Variants in NUP107 observed in about 807,000 individuals in gnomAD.
NUP107 encodes the protein nucleoporin 107.
In NUP107, 101 loss-of-function variants were observed where a neutral mutation model predicts 141.0. The ratio of observed to expected loss-of-function variants is 0.72; its 90% CI spans 0.61 to 0.84. NUP107 has a LOEUF of 0.84. Ranked by LOEUF, NUP107 falls within the 40% of genes least tolerant of loss-of-function variation. The pLI, the probability that NUP107 is intolerant of heterozygous loss-of-function variation, is 0.00. For synonymous variants in NUP107, 319 were observed against 363.9 expected (o/e 0.88, Z 1.41); for missense variants, 941 against 1,102.7 (o/e 0.85, Z 2.08).
intron 9 of NUP107, 49 bp from the exon 10 acceptor site, chr12:68,709,956 A>G: frequency 9.2e-7 from 1 of 1,084,514 alleles, no homozygotes; most frequent in Non-Finnish European, 1.4e-6. Context: ...AATAAAACAC[A>G]AATAGATTTG....
At chr12:68,687,156 C>T in intron 1 of NUP107, 83 bp downstream of exon 1, 3 of 1,584,398 alleles carry the variant, frequency 1.9e-6, no homozygotes, top group East Asian at 2.2e-5. Context: ...ACTAGACTCC[C>T]AGAAGAAGCC....
intron 1 of NUP107, 95 bp from the exon 2 acceptor site, chr12:68,688,867 T>G (rs1245242939): frequency 2.4e-6 from 2 of 843,690 alleles, no homozygotes; most frequent in Admixed American, 2.6e-5. Flanking sequence ...ATACCTTAAC[T>G]TACTCAGGGT....
At position 68,719,427 on chromosome 12, in the gene NUP107, T is replaced by C. The variant is rs1367087836; in HGVS notation, c.1170T>C (p.Asn390=). 5.0e-6 allele frequency: 8 copies of C among 1,613,312 alleles called. No homozygotes were observed. Among genetic ancestry groups the C allele is most frequent in the Non-Finnish European group, 6.8e-6 (8 of 1,179,306 alleles). Reference sequence around the variant, plus strand: ...AACTGTACCATGACCCTAATGTTAATGGAGGTATTTTAGTAGATTTTATTC... The same window carrying C: ...AACTGTACCATGACCCTAATGTTAACGGAGGTATTTTAGTAGATTTTATTC... ...GWKLYHDPNV[N]GGTELEPVEG... Residue 390 remains asparagine, a synonymous_variant, in exon 13 of 28, where the codon AAT becomes AAC. Transcript: ENST00000229179.
chr12:68,709,808 G>C (rs1238749950), intron 9 of NUP107, among the ~76,000 whole-genome samples, 197 bp from the exon 10 acceptor site: 1 of 151,476 alleles, frequency 6.6e-6, no homozygotes, highest in Non-Finnish European at 1.5e-5. Flanking sequence ...AGAATGACGT[G>C]AACCCAGGAG....
At chr12:68,729,568 C>T (rs1299778410) in intron 20 of NUP107, among the ~76,000 whole-genome samples, 1 of 151,796 alleles carries the variant, frequency 6.6e-6, no homozygotes, top group Non-Finnish European at 1.5e-5. Flanking sequence ...CTCAGCCTCC[C>T]AAGTAGCTGG....
chr12:68,719,003 C>T (rs964308139), intron 12 of NUP107, among the ~76,000 whole-genome samples: 2 of 152,142 alleles, frequency 1.3e-5, no homozygotes, highest in African/African-American at 4.8e-5. Flanking sequence ...ATGCACCTGC[C>T]TCAGCCTCCC....
chr12:68,694,201 C>T (rs1875940824), intron 5 of NUP107, among the ~76,000 whole-genome samples: 1 of 152,202 alleles, frequency 6.6e-6, no homozygotes, highest in Admixed American at 6.5e-5. Context: ...ACTCAAAATA[C>T]TTTCTACTTA....
At chr12:68,719,280 G>T in intron 12 of NUP107, 61 bp from the exon 13 acceptor site, 3 of 1,196,274 alleles carry the variant, frequency 2.5e-6, no homozygotes, top group Non-Finnish European at 3.7e-6. Context: ...TCATATATTG[G>T]TTATACTTTA....
chr12:68,694,402 GA>G (rs1231440343), intron 5 of NUP107, among the ~76,000 whole-genome samples: 2 of 152,070 alleles, frequency 1.3e-5, no homozygotes. Flanking sequence ...GGTATCAAAA[GA>G]AAAAATAGAT....
At chr12:68,707,637 A>G (rs1479569222) in intron 8 of NUP107, among the ~76,000 whole-genome samples, 6 of 152,134 alleles carry the variant, frequency 3.9e-5, no homozygotes, top group African/African-American at 1.4e-4. Context: ...ATATGTGCAC[A>G]TGTTTTTAAT....
At chr12:68,709,458 C>T in intron 9 of NUP107, 149 bp downstream of exon 9, 1 of 499,526 alleles carries the variant, frequency 2.0e-6, no homozygotes, top group Non-Finnish European at 3.5e-6. Flanking sequence ...GAATTAGAAA[C>T]CTTATTCTTT....
At chr12:68,735,854 C>A (rs962663751) in intron 26 of NUP107, among the ~76,000 whole-genome samples, 2 of 152,008 alleles carry the variant, frequency 1.3e-5, no homozygotes, top group African/African-American at 4.8e-5. Context: ...GTGTTGAGAA[C>A]CAGCTACAGA....
chr12:68,742,235 T>C, intron 27 of NUP107, 120 bp from the exon 28 acceptor site: 1 of 672,966 alleles, frequency 1.5e-6, no homozygotes, highest in Admixed American at 3.0e-5. Context: ...AGGCTCTGGC[T>C]ACATAAATCT....
chr12:68,713,590 T>C lies in NUP107; in HGVS notation c.891-140T>C, dbSNP rs568271251. 1.8e-4 allele frequency: 112 copies of C among 637,738 alleles called. 1 individual carries two copies. Among genetic ancestry groups the C allele is most frequent in the Non-Finnish European group, 2.6e-4 (98 of 369,850 alleles). 39.5% of individuals were successfully genotyped at this position (637,738 alleles called of 1,614,324 possible). A position where few individuals can be genotyped will look rare whatever the true frequency, so the allele number is the denominator to read the frequency against. ...ACACCATTAGTCATCTGAGCTAAAA[T>C]GTACTTCTGTATTAAGGATTTTTGC... On this transcript the variant is annotated intron_variant, in intron 10 of 27. Transcript: ENST00000229179.
chr12:68,706,093 T>G, intron 8 of NUP107: 1 of 773,944 alleles, frequency 1.3e-6, no homozygotes, highest in Non-Finnish European at 2.4e-6. Context: ...AGCTGTACAC[T>G]CTGGGCCAAG....
intron 5 of NUP107, 81 bp from the exon 6 acceptor site, chr12:68,696,738 C>A: frequency 2.7e-6 from 2 of 754,564 alleles, no homozygotes; most frequent in East Asian, 2.6e-5. Flanking sequence ...CAAATAAATA[C>A]ATTTTCAAAC....
chr12:68,708,759 C>T (rs1048654927), intron 8 of NUP107, among the ~76,000 whole-genome samples: 1 of 152,006 alleles, frequency 6.6e-6, no homozygotes, highest in Non-Finnish European at 1.5e-5. Flanking sequence ...GCTGGGATTA[C>T]AGGCTTGCGT....
At chr12:68,705,919 A>G (rs1876556890) in intron 8 of NUP107, 6 of 905,362 alleles carry the variant, frequency 6.6e-6, no homozygotes, top group South Asian at 5.2e-5. Flanking sequence ...GGAGCAGATC[A>G]AGACCCTCAA....
chr12:68,722,233 AGGT>A (rs1877385591), intron 17 of NUP107, 81 bp downstream of exon 17: 3 of 1,165,410 alleles, frequency 2.6e-6, no homozygotes, highest in Non-Finnish European at 3.6e-6. Flanking sequence ...GAAAGGAAAA[AGGT>A]GGAACTTTCT....
Sources: allele counts gnomAD v4.1 joint callset (sites outside exome capture counted in the v4.1 genomes callset), GRCh38; gene constraint gnomAD v4.1.1; transcripts MANE v1.5; gene names NCBI Gene and HGNC (gene_info 2026-07-23, HGNC 2026-07-21).